The following SRRM4 variants were observed in gnomAD, a reference collection of about 807,000 sequenced individuals.
SRRM4 encodes the protein serine/arginine repetitive matrix protein 4.
Under a neutral mutation model 68.9 loss-of-function variants are expected in SRRM4, and 33 were observed. That is an observed-to-expected ratio of 0.48 (90% CI 0.36 to 0.64). The LOEUF (loss-of-function observed/expected upper bound fraction) is 0.64, where lower values mean the gene tolerates loss of function less well. SRRM4 is among the 30% of genes least tolerant of loss of function. The pLI, the probability that SRRM4 is intolerant of heterozygous loss-of-function variation, is 0.00. For missense variants in SRRM4, 817 were observed against 827.1 expected, an observed-to-expected ratio of 0.99 and a Z score of 0.15; for synonymous variants, 318 against 318.8, an observed-to-expected ratio of 1.00 and a Z score of 0.03.
chr12:118,982,069 GC>G, intron 1 of SRRM4, 56 bp downstream of exon 1: 5 of 1,549,198 alleles, frequency 3.2e-6, no homozygotes, highest in Non-Finnish European at 4.4e-6. Flanking sequence ...TCTGGCCTGT[GC>G]CCCAGAGCCC....
At chr12:119,011,227 T>C (rs999908917) in intron 1 of SRRM4, among the ~76,000 whole-genome samples, 14 of 152,178 alleles carry the variant, frequency 9.2e-5, no homozygotes, top group African/African-American at 3.4e-4. Context: ...GGAAGACACA[T>C]ACATGGCAAA....
At chr12:119,112,485 A>G (rs993862571) in intron 2 of SRRM4, among the ~76,000 whole-genome samples, 2 of 152,224 alleles carry the variant, frequency 1.3e-5, no homozygotes, top group Non-Finnish European at 2.9e-5. Flanking sequence ...TTCTATTATA[A>G]AGATACATGC....
intron 1 of SRRM4, among the ~76,000 whole-genome samples, chr12:119,035,988 A>C (rs1019293357): frequency 2.6e-5 from 4 of 152,336 alleles, no homozygotes; most frequent in African/African-American, 9.6e-5. Flanking sequence ...AGGCCACATG[A>C]AGGGAAAAGG....
chr12:119,056,273 C>A (rs1462146660), intron 1 of SRRM4, among the ~76,000 whole-genome samples: 3 of 152,184 alleles, frequency 2.0e-5, no homozygotes, highest in Non-Finnish European at 4.4e-5. Flanking sequence ...CTTAAGTATG[C>A]TATGCTATCA....
intron 1 of SRRM4, among the ~76,000 whole-genome samples, chr12:119,010,919 CTG>C (rs1254324334): frequency 1.3e-5 from 2 of 152,142 alleles, no homozygotes; most frequent in African/African-American, 4.8e-5. Context: ...AAAAAGCAAA[CTG>C]TGGGATGACA....
intron 8 of SRRM4, chr12:119,132,322 T>C (rs944186718): frequency 6.6e-6 from 1 of 152,182 alleles, no homozygotes; most frequent in Non-Finnish European, 1.5e-5. Flanking sequence ...GAAATGGGCA[T>C]GATTATCCCG....
intron 1 of SRRM4, among the ~76,000 whole-genome samples, chr12:119,019,273 G>A (rs1364774896): frequency 6.6e-6 from 1 of 152,176 alleles, no homozygotes; most frequent in Non-Finnish European, 1.5e-5. Context: ...AATCCTTTGT[G>A]CAATGTGAAC....
At chr12:119,114,100 G>T in intron 2 of SRRM4, 178 bp from the exon 3 acceptor site, 1 of 520,544 alleles carries the variant, frequency 1.9e-6, no homozygotes. Flanking sequence ...TCGGCATTAA[G>T]TCCTTATTTA....
intron 1 of SRRM4, among the ~76,000 whole-genome samples, chr12:119,013,121 A>C (rs759605907): frequency 2.0e-5 from 3 of 152,232 alleles, no homozygotes; most frequent in African/African-American, 7.2e-5. Flanking sequence ...ATGATCTTCA[A>C]GAATACTAGA....
chr12:119,141,539 T>C (rs961060848), intron 8 of SRRM4, among the ~76,000 whole-genome samples: 4 of 152,102 alleles, frequency 2.6e-5, no homozygotes, highest in African/African-American at 9.7e-5. Flanking sequence ...TGGTTTCTTC[T>C]CAAATTCCCA....
At chr12:119,150,989 G>T (rs1954435249) in intron 9 of SRRM4, 28 bp from the exon 10 acceptor site, 1 of 1,609,004 alleles carries the variant, frequency 6.2e-7, no homozygotes, top group Non-Finnish European at 8.5e-7. Flanking sequence ...TGGGCAGTCG[G>T]TGCTCATGGA....
rs1419888044 is a variant in SRRM4, at chr12:118,981,934, G to A, written c.52G>A (p.Gly18Arg). 1.9e-6 allele frequency: 3 copies of A among 1,613,318 alleles called. No individual in the cohort carries two copies. Among genetic ancestry groups the A allele is most frequent in the Non-Finnish European group, 2.5e-6 (3 of 1,179,678 alleles). Residue 18 changes from glycine (G) to arginine (R), a missense_variant, in exon 1 of 13, where the codon GGA becomes AGA. By Grantham distance (125) the Gly-to-Arg change is moderately radical. Coordinates refer to ENST00000267260, the MANE Select transcript of SRRM4 (RefSeq NM_194286.4). ...GCAGCTTTTTGAGAAGTTCTGGCGA[G>A]GAACCTTCAAAGCGGTGGCCACCCC... is the stretch of plus-strand genomic sequence containing the variant. ...EKQLFEKFWR[G>R]TFKAVATPRP...
At chr12:118,998,702 A>G (rs1411095538) in intron 1 of SRRM4, among the ~76,000 whole-genome samples, 1 of 152,264 alleles carries the variant, frequency 6.6e-6, no homozygotes, top group Admixed American at 6.5e-5. Context: ...CTAACCAGCT[A>G]TGATAATTAC....
Position 118,999,006 on chromosome 12 carries a change from T to C in SRRM4, c.131+16993T>C, listed in dbSNP as rs562869329. On this transcript the variant is annotated intron_variant, in intron 1 of 12. Transcript: ENST00000267260. Reference sequence around the variant, plus strand: ...AGGTTGGGCATGACTAAGTACACAATAAATATTTGTATAATCCAAGAGTGA... The same window carrying C: ...AGGTTGGGCATGACTAAGTACACAACAAATATTTGTATAATCCAAGAGTGA... 5.3e-5 allele frequency among the ~76,000 whole-genome samples: 8 copies of C among 152,304 alleles called. No homozygotes were observed. The South Asian group carries it at 1.0e-3, about 20-fold the overall frequency.
chr12:119,032,004 C>T (rs1953594845), intron 1 of SRRM4, among the ~76,000 whole-genome samples: 1 of 152,062 alleles, frequency 6.6e-6, no homozygotes, highest in Admixed American at 6.6e-5. Flanking sequence ...AGCCCATCAC[C>T]CCAAATTAGA....
intron 1 of SRRM4, among the ~76,000 whole-genome samples, chr12:119,015,217 A>G (rs1420124994): frequency 5.3e-5 from 8 of 152,128 alleles, no homozygotes; most frequent in Non-Finnish European, 1.2e-4. Context: ...CATGTAATCA[A>G]TCCGCCAGCA....
intron 9 of SRRM4, 130 bp from the exon 10 acceptor site, chr12:119,150,887 T>C (rs1954434580): frequency 2.6e-6 from 2 of 773,040 alleles, no homozygotes; most frequent in Non-Finnish European, 4.3e-6. Context: ...CCAGAGAGAA[T>C]AGGATGGGAA....
chr12:119,143,936 G>A (rs112985329), intron 8 of SRRM4, among the ~76,000 whole-genome samples: 102 of 152,186 alleles, frequency 6.7e-4, no homozygotes, highest in Non-Finnish European at 1.2e-3. Context: ...CCTCCCATCC[G>A]CAGCTAAGCA....
At position 119,003,520 on chromosome 12, in the gene SRRM4, T is replaced by A. The variant is rs538074989; in HGVS notation, c.131+21507T>A. Among the ~76,000 whole-genome samples, 15 of 152,082 alleles carry A rather than the reference T, an allele frequency of 9.9e-5. No individual in the cohort carries two copies. The South Asian group carries it at 1.5e-3, about 15-fold the overall frequency. On this transcript the variant is annotated intron_variant, in intron 1 of 12. Coordinates refer to ENST00000267260, the MANE Select transcript of SRRM4 (RefSeq NM_194286.4). ...GCTTTCCTCCAAGGATCTGAGATTG[T>A]TAAGCAGGAGAGCTGGTAGAGGTTC... is the stretch of plus-strand genomic sequence containing the variant.
Sources: allele counts gnomAD v4.1 joint callset (sites outside exome capture counted in the v4.1 genomes callset), GRCh38; gene constraint gnomAD v4.1.1; transcripts MANE v1.5; gene names NCBI Gene and HGNC (gene_info 2026-07-23, HGNC 2026-07-21).